ALK: variants seen among roughly 807,000 people sequenced by gnomAD.
ALK encodes the protein ALK tyrosine kinase receptor.
Under a neutral mutation model 163.1 loss-of-function variants are expected in ALK, and 74 were observed. That is an observed-to-expected ratio of 0.45 (90% CI 0.38 to 0.55). The LOEUF (loss-of-function observed/expected upper bound fraction) is 0.55, where lower values mean the gene tolerates loss of function less well. ALK is among the 20% of genes least tolerant of loss of function. The pLI is 0.00. For synonymous variants in ALK, 960 were observed against 843.2 expected (o/e 1.14, Z -2.40); for missense variants, 2,063 against 2,105.3 (o/e 0.98, Z 0.39).
intron 5 of ALK, among the ~76,000 whole-genome samples, chr2:29,351,717 G>A (rs550382999): frequency 8.5e-5 from 13 of 152,318 alleles, no homozygotes; most frequent in South Asian, 2.1e-4. Flanking sequence ...AGGCTGGAGA[G>A]GCTAATGTGG....
intron 1 of ALK, among the ~76,000 whole-genome samples, chr2:29,904,401 T>C (rs1216607442): frequency 1.3e-5 from 2 of 152,152 alleles, no homozygotes; most frequent in East Asian, 1.9e-4. Context: ...ATTTATTTAG[T>C]TATATTTTCC....
At chr2:29,218,975 G>C (rs1017751032) in intron 23 of ALK, among the ~76,000 whole-genome samples, 28 of 152,234 alleles carry the variant, frequency 1.8e-4, no homozygotes, top group African/African-American at 6.8e-4. Flanking sequence ...GGGGACCACT[G>C]GATAAGCAGT....
intron 4 of ALK, among the ~76,000 whole-genome samples, chr2:29,530,534 G>T (rs2148157217): frequency 6.6e-6 from 1 of 152,378 alleles, no homozygotes; most frequent in Non-Finnish European, 1.5e-5. Flanking sequence ...GCCAGTCCTG[G>T]TAGGGAAGGA....
At chr2:29,607,249 C>T (rs748267817) in intron 3 of ALK, among the ~76,000 whole-genome samples, 4 of 152,118 alleles carry the variant, frequency 2.6e-5, no homozygotes, top group Non-Finnish European at 4.4e-5. Flanking sequence ...CCTTGACGGG[C>T]GTGGTAATAA....
At chr2:29,297,998 C>G (rs143374300) in intron 8 of ALK, among the ~76,000 whole-genome samples, 51 of 152,272 alleles carry the variant, frequency 3.3e-4, no homozygotes, top group African/African-American at 1.1e-3. Context: ...TTTACTGATT[C>G]TCTCTGAATA....
At chr2:29,611,230 G>C (rs1675683008) in intron 3 of ALK, among the ~76,000 whole-genome samples, 1 of 152,154 alleles carries the variant, frequency 6.6e-6, no homozygotes, top group South Asian at 2.1e-4. Context: ...GCATTATTTG[G>C]GTGGATGGTG....
intron 4 of ALK, among the ~76,000 whole-genome samples, chr2:29,442,212 C>A (rs1413082440): frequency 6.6e-6 from 1 of 151,996 alleles, no homozygotes; most frequent in Non-Finnish European, 1.5e-5. Flanking sequence ...GGAGAATGCA[C>A]TGAATCCAAA....
chr2:29,743,849 T>G (rs918503218), intron 1 of ALK, among the ~76,000 whole-genome samples: 1 of 152,026 alleles, frequency 6.6e-6, no homozygotes, highest in African/African-American at 2.4e-5. Flanking sequence ...TGAGAATTGC[T>G]AGACAATTGG....
At chr2:29,734,292 A>G (rs2148319820) in intron 1 of ALK, among the ~76,000 whole-genome samples, 1 of 152,312 alleles carries the variant, frequency 6.6e-6, no homozygotes, top group East Asian at 1.9e-4. Flanking sequence ...TGCTCTGAGT[A>G]ATTATGGAGA....
chr2:29,534,906 C>T (rs770718494), intron 3 of ALK, among the ~76,000 whole-genome samples: 1 of 152,168 alleles, frequency 6.6e-6, no homozygotes, highest in Non-Finnish European at 1.5e-5. Flanking sequence ...ATCTTATTTT[C>T]TGCAACCGGA....
At chr2:29,209,025 G>A (rs1669391203) in intron 25 of ALK, among the ~76,000 whole-genome samples, 1 of 152,202 alleles carries the variant, frequency 6.6e-6, no homozygotes, top group Admixed American at 6.5e-5. Context: ...CTCCTGGGGT[G>A]GCTAAAGCTG....
intron 2 of ALK, among the ~76,000 whole-genome samples, chr2:29,713,961 T>G (rs1679178288): frequency 6.6e-6 from 1 of 152,050 alleles, no homozygotes; most frequent in South Asian, 2.1e-4. Context: ...AAATATGATT[T>G]AAAGGTGGAA....
chr2:29,751,748 T>C (rs1047841789), intron 1 of ALK, among the ~76,000 whole-genome samples: 4 of 152,152 alleles, frequency 2.6e-5, no homozygotes, highest in African/African-American at 4.8e-5. Context: ...CCAGGCACAG[T>C]AGAAGCAAAG....
intron 4 of ALK, among the ~76,000 whole-genome samples, chr2:29,448,466 TG>T (rs1229861961): frequency 1.3e-5 from 2 of 152,166 alleles, no homozygotes; most frequent in Non-Finnish European, 2.9e-5. Context: ...CTCTACACTC[TG>T]GGGAAGGGAA....
intron 1 of ALK, among the ~76,000 whole-genome samples, chr2:29,809,160 AC>A (rs1664691432): frequency 6.6e-6 from 1 of 152,248 alleles, no homozygotes; most frequent in Non-Finnish European, 1.5e-5. Context: ...AAGAGCATTT[AC>A]TTAAGCAAGG....
chr2:29,781,392 G>A (rs1681327489), intron 1 of ALK, among the ~76,000 whole-genome samples: 1 of 152,112 alleles, frequency 6.6e-6, no homozygotes, highest in Non-Finnish European at 1.5e-5. Flanking sequence ...TTACTGATAG[G>A]TCTAGTGTGC....
At chr2:29,455,557 T>C (rs1002374212) in intron 4 of ALK, among the ~76,000 whole-genome samples, 17 of 152,202 alleles carry the variant, frequency 1.1e-4, no homozygotes, top group African/African-American at 4.1e-4. Flanking sequence ...TCTCTTTTTC[T>C]CTCTTTCACT....
chr2:29,591,640 G>T (rs1164191759), intron 3 of ALK, among the ~76,000 whole-genome samples: 2 of 152,150 alleles, frequency 1.3e-5, no homozygotes, highest in African/African-American at 2.4e-5. Flanking sequence ...TCTCACTAAA[G>T]GTCAGAGAGA....
At chr2:29,203,111 G>A (rs1180142257) in intron 26 of ALK, among the ~76,000 whole-genome samples, 1 of 152,104 alleles carries the variant, frequency 6.6e-6, no homozygotes, top group African/African-American at 2.4e-5. Context: ...GGCCTGAGGT[G>A]GGGGCCGAGG....
Sources: gnomAD v4.1 joint callset for allele counts (sites outside exome capture counted in the v4.1 genomes callset) on GRCh38, gnomAD v4.1.1 for gene constraint, MANE v1.5 for transcripts, NCBI Gene and HGNC (gene_info 2026-07-23, HGNC 2026-07-21) for gene names.